The following RAD50 variants were observed in gnomAD, a reference collection of about 807,000 sequenced individuals.
RAD50 encodes the protein RAD50 double strand break repair protein.
RAD50 carries 132 observed loss-of-function variants against 168.8 expected under a neutral mutation model. The ratio of observed to expected loss-of-function variants is 0.78; its 90% confidence interval spans 0.68 to 0.90. The LOEUF (loss-of-function observed/expected upper bound fraction) is 0.90, where lower values mean the gene tolerates loss of function less well. Among genes scored for constraint, RAD50 ranks in the 40% least tolerant of loss-of-function variants. The probability of loss-of-function intolerance (pLI) is 0.00; values close to 1 mark genes in which losing one functional copy is unlikely to be tolerated. For missense variants in RAD50, 1,347 were observed against 1,534.4 expected, an observed-to-expected ratio of 0.88 and a Z score of 2.04; for synonymous variants, 525 against 497.4, an observed-to-expected ratio of 1.06 and a Z score of -0.74.
chr5:132,618,019 G>C, intron 20 of RAD50, 51 bp from the exon 21 acceptor site: 1 of 1,451,978 alleles, frequency 6.9e-7, no homozygotes, highest in Non-Finnish European at 9.7e-7. Context: ...TCCACTTCAG[G>C]TTGTTAAAAG....
At chr5:132,614,220 C>A (rs1056266384) in intron 19 of RAD50, among the ~76,000 whole-genome samples, 1 of 152,108 alleles carries the variant, frequency 6.6e-6, no homozygotes, top group Non-Finnish European at 1.5e-5. Flanking sequence ...TTTAAAGAGT[C>A]CTTTCATGCA....
chr5:132,614,632 T>C (rs1751145082), intron 19 of RAD50, among the ~76,000 whole-genome samples: 1 of 152,158 alleles, frequency 6.6e-6, no homozygotes, highest in Non-Finnish European at 1.5e-5. Context: ...GATATTAATA[T>C]GTAAATGATA....
chr5:132,644,007 AAATT>A lies in RAD50; in HGVS notation c.*1646_*1649del, dbSNP rs1360639615. On this transcript the variant is annotated 3_prime_UTR_variant, in exon 25 of 25. Coordinates refer to ENST00000378823, the MANE Select transcript of RAD50 (RefSeq NM_005732.4). ...CTTAATGTTATCTGTTGCTAAATCA[AAATT>A]AAACAGTCATCTTAACTGCAAAATA... 1.8e-5 allele frequency: 4 copies of A among 223,156 alleles called. No individual in the cohort carries two copies. Among genetic ancestry groups the A allele is most frequent in the African/African-American group, 8.9e-5 (4 of 44,860 alleles). The allele number at this position is 223,156 out of a possible 1,614,324, so 13.8% of individuals were successfully genotyped here. A position where few individuals can be genotyped will look rare whatever the true frequency, so the allele number is the denominator to read the frequency against.
chr5:132,578,102 C>T lies in RAD50; in HGVS notation c.366-1215C>T, dbSNP rs573289797. Among the ~76,000 whole-genome samples the T allele has an allele frequency of 9.9e-5, 15 of 152,248 alleles. No individual in the cohort carries two copies. In the South Asian group the frequency reaches 1.2e-3, roughly 13 times the overall value. Reference sequence around the variant, plus strand: ...TGCTGGGATTACAGGCGTGAGCCACCGCGCCCAGCCCCATCTCTGATTTTT... The same window carrying T: ...TGCTGGGATTACAGGCGTGAGCCACTGCGCCCAGCCCCATCTCTGATTTTT... On this transcript the variant is annotated intron_variant, in intron 3 of 24. Transcript: ENST00000378823.
At chr5:132,571,001 C>G (rs1750293721) in intron 2 of RAD50, among the ~76,000 whole-genome samples, 1 of 152,058 alleles carries the variant, frequency 6.6e-6, no homozygotes, top group South Asian at 2.1e-4. Context: ...GTGTCTCAGG[C>G]AATCAGGTTC....
At chr5:132,611,364 C>G (rs1177529508) in intron 19 of RAD50, among the ~76,000 whole-genome samples, 1 of 150,416 alleles carries the variant, frequency 6.6e-6, no homozygotes, top group African/African-American at 2.5e-5. Flanking sequence ...GCACTTCAGC[C>G]TGGGTGACAA....
chr5:132,640,572 T>C, intron 23 of RAD50, 100 bp from the exon 24 acceptor site: 6 of 1,533,412 alleles, frequency 3.9e-6, no homozygotes, highest in Non-Finnish European at 5.4e-6. Context: ...CCTGTGACGT[T>C]TCCCACTTTT....
intron 19 of RAD50, among the ~76,000 whole-genome samples, chr5:132,613,867 G>A (rs1316957075): frequency 6.6e-6 from 1 of 152,054 alleles, no homozygotes; most frequent in Non-Finnish European, 1.5e-5. Flanking sequence ...AAAGTGCTGG[G>A]ATTACAGGTA....
intron 1 of RAD50, among the ~76,000 whole-genome samples, chr5:132,558,698 A>AGG (rs1232656388): frequency 2.4e-5 from 3 of 126,684 alleles, no homozygotes; most frequent in Non-Finnish European, 4.8e-5. Context: ...TGGGTGACAG[A>AGG]GGGAGACTCT....
intron 7 of RAD50, among the ~76,000 whole-genome samples, chr5:132,588,361 G>A (rs1389964911): frequency 6.6e-6 from 1 of 152,122 alleles, no homozygotes; most frequent in Non-Finnish European, 1.5e-5. Flanking sequence ...TTGTAGTATT[G>A]GAACTGTTCA....
chr5:132,580,231 A>G (rs1750482671), intron 5 of RAD50, among the ~76,000 whole-genome samples, 165 bp downstream of exon 5: 1 of 152,148 alleles, frequency 6.6e-6, no homozygotes, highest in African/African-American at 2.4e-5. Context: ...TCTCTTAGCA[A>G]TTATATATTG....
rs1034900653 is a variant in RAD50 at position 132,607,432 on chromosome 5, A to C, written c.2719-1183A>C. On this transcript the variant is annotated intron_variant, in intron 16 of 24. Coordinates refer to ENST00000378823, the MANE Select transcript of RAD50 (RefSeq NM_005732.4). ...CTTATATAGATTAATCACATCTAAG[A>C]CTCAACCAGTTATAAACAGTTATAA... Among the ~76,000 whole-genome samples, 4 of 152,150 alleles carry C rather than the reference A, an allele frequency of 2.6e-5. No homozygotes were observed. The South Asian group carries it at 8.3e-4, about 32-fold the overall frequency.
Position 132,618,082 on chromosome 5 carries a change from G to A in RAD50, c.3177G>A (p.Lys1059=), listed in dbSNP as rs786202762. 6.2e-7 allele frequency: 1 copy of A among 1,613,178 alleles called. No individual in the cohort carries two copies. Among genetic ancestry groups the A allele is most frequent in the Non-Finnish European group, 8.5e-7 (1 of 1,179,414 alleles). The change falls in exon 21 of 25, where the codon AAG becomes AAA. Residue 1059 remains lysine (K), a synonymous_variant. Coordinates refer to ENST00000378823, the MANE Select transcript of RAD50 (RefSeq NM_005732.4). ...TTCTTTTTTACAGTGAACATCAGAA[G>A]TTGGAAGAGAACATAGACAATATAA... ...QVLQMKSEHQ[K]LEENIDNIKR...
intron 21 of RAD50, among the ~76,000 whole-genome samples, chr5:132,629,495 A>G (rs1751426548): frequency 6.6e-6 from 1 of 152,194 alleles, no homozygotes; most frequent in African/African-American, 2.4e-5. Flanking sequence ...TTGTTAAGGA[A>G]CAAAGCCAGG....
At chr5:132,574,999 T>G (rs188219063) in intron 2 of RAD50, among the ~76,000 whole-genome samples, 29 of 152,176 alleles carry the variant, frequency 1.9e-4, no homozygotes, top group African/African-American at 7.0e-4. Flanking sequence ...TTTCCTCTCT[T>G]CTGAGCCTTC....
At chr5:132,561,429 G>A (rs760802878) in intron 2 of RAD50, among the ~76,000 whole-genome samples, 64 of 152,114 alleles carry the variant, frequency 4.2e-4, no homozygotes, top group Non-Finnish European at 5.9e-4. Flanking sequence ...CTCACCTCAG[G>A]TGATCCACCT....
intron 2 of RAD50, among the ~76,000 whole-genome samples, chr5:132,573,210 A>G (rs1426125893): frequency 6.6e-6 from 1 of 152,198 alleles, no homozygotes; most frequent in Non-Finnish European, 1.5e-5. Flanking sequence ...AGTTCTGTGT[A>G]TTACTCCATT....
chr5:132,586,992 GC>G lies in RAD50; in HGVS notation c.757-566del, dbSNP rs1338848539. Among the ~76,000 whole-genome samples, 11 of 152,284 alleles carry G rather than the reference GC, an allele frequency of 7.2e-5. No homozygotes were observed. The South Asian group carries it at 2.3e-3, about 32-fold the overall frequency. The stretch of plus-strand genomic sequence containing the variant: ...CCCCAGCATCATCCAATAAGAGAAT[GC>G]CCCGAACCAGATCCCAGTATTCCTG... On this transcript the variant is annotated intron_variant, in intron 5 of 24. Transcript: ENST00000378823.
chr5:132,642,415 T>TA lies in RAD50; in HGVS notation c.*53dup, dbSNP rs1238824506. 1.3e-6 allele frequency: 2 copies of TA among 1,488,974 alleles called. No homozygotes were observed. Among genetic ancestry groups the TA allele is most frequent in the Non-Finnish European group, 1.9e-6 (2 of 1,075,660 alleles). The allele number at this position is 1,488,974 out of a possible 1,614,324, so 92.2% of individuals were successfully genotyped here. ...GAAATGTAGGTCCTCAGAAAGTGTA[T>TA]AATAAGAAACTTATTTCTCATATCA... On this transcript the variant is annotated 3_prime_UTR_variant, in exon 25 of 25. Coordinates refer to ENST00000378823, the MANE Select transcript of RAD50 (RefSeq NM_005732.4).
Sources: gnomAD v4.1 joint callset for allele counts (sites outside exome capture counted in the v4.1 genomes callset) on GRCh38, gnomAD v4.1.1 for gene constraint, MANE v1.5 for transcripts, NCBI Gene and HGNC (gene_info 2026-07-23, HGNC 2026-07-21) for gene names.